PACS2: variants seen among roughly 807,000 people sequenced by gnomAD.
The protein encoded by PACS2 is phosphofurin acidic cluster sorting protein 2.
In PACS2, 36 loss-of-function variants were observed where a neutral mutation model predicts 113.0. The ratio of observed to expected loss-of-function variants is 0.32; its 90% CI spans 0.24 to 0.42. The LOEUF is 0.42. Ranked by LOEUF, PACS2 falls within the 10% of genes least tolerant of loss-of-function variation. The probability of loss-of-function intolerance (pLI) is 1.00; values close to 1 mark genes in which losing one functional copy is unlikely to be tolerated. For missense variants in PACS2, 1,015 were observed against 1,239.5 expected, an observed-to-expected ratio of 0.82 and a Z score of 2.72; for synonymous variants, 589 against 536.1, an observed-to-expected ratio of 1.10 and a Z score of -1.36.
intron 1 of PACS2, among the ~76,000 whole-genome samples, chr14:105,321,214 T>G (rs927607714): frequency 2.0e-5 from 3 of 152,228 alleles, no homozygotes; most frequent in African/African-American, 7.2e-5. Context: ...TGGCAGTTGA[T>G]GGTGCAGTGT....
chr14:105,385,968 T>C (rs982157559), intron 19 of PACS2, among the ~76,000 whole-genome samples: 11 of 152,224 alleles, frequency 7.2e-5, no homozygotes, highest in Non-Finnish European at 1.6e-4. Context: ...GAGCAGCAGA[T>C]GGGCCCTCCT....
In PACS2 at chr14:105,393,351, C is replaced by T. The variant is rs781856859; in HGVS notation, c.2596+16C>T. ...ATGCTGCGGGGTGAGCACCACCGGCCCCGGGGTCTGTAGAGTGGGACGTAG... is the reference window on the plus strand; with the variant it reads ...ATGCTGCGGGGTGAGCACCACCGGCTCCGGGGTCTGTAGAGTGGGACGTAG... On this transcript the variant is annotated intron_variant, in intron 24 of 24. Coordinates refer to ENST00000447393, the MANE Select transcript of PACS2 (RefSeq NM_001100913.3). 7 of 1,579,948 alleles carry T rather than the reference C, an allele frequency of 4.4e-6. No individual in the cohort carries two copies. Among genetic ancestry groups the T allele is most frequent in the Non-Finnish European group, 6.1e-6 (7 of 1,155,444 alleles).
In PACS2 at chr14:105,354,652, G is replaced by A. The variant is rs2060360819; in HGVS notation, c.298-400G>A. On this transcript the variant is annotated intron_variant, in intron 3 of 24. Coordinates refer to ENST00000447393, the MANE Select transcript of PACS2 (RefSeq NM_001100913.3). This position sits in a 1 kb window ranked among gnomAD's most constrained non-coding sequence, Gnocchi z 4.2. ...GGAGGGAGAGCCCTCCCCGCCCTGT[G>A]TGCCCCTCGCGGAAAAGCGTCCTGG... 6.6e-6 allele frequency among the ~76,000 whole-genome samples: 1 copy of A among 152,230 alleles called. No individual in the cohort carries two copies. The highest frequency in any genetic ancestry group is 2.4e-5 in the African/African-American group (1 of 41,458).
chr14:105,369,949 C>T, intron 8 of PACS2, 49 bp downstream of exon 8: 1 of 1,524,014 alleles, frequency 6.6e-7, no homozygotes, highest in Non-Finnish European at 8.9e-7. Context: ...TGCAACAGCA[C>T]CTGGTCGGGA....
rs1430981806 is a variant in PACS2 at position 105,365,646 on chromosome 14, G to T, written c.424-1567G>T. Reference sequence around the variant, plus strand: ...TATGAGCAGGTGCAGCACCACCTGAGCCCCACCTTGATTCCTCCGGGACCC... The same window carrying T: ...TATGAGCAGGTGCAGCACCACCTGATCCCCACCTTGATTCCTCCGGGACCC... On this transcript the variant is annotated intron_variant, in intron 4 of 24. Transcript: ENST00000447393. This position sits in a 1 kb window ranked among gnomAD's most constrained non-coding sequence, Gnocchi z 5.1. 6.6e-6 allele frequency among the ~76,000 whole-genome samples: 1 copy of T among 152,188 alleles called. No homozygotes were observed. Among genetic ancestry groups the T allele is most frequent in the East Asian group, 1.9e-4 (1 of 5,200 alleles).
At chr14:105,370,731 C>T (rs2061118173) in intron 8 of PACS2, 1 of 152,240 alleles carries the variant, frequency 6.6e-6, no homozygotes, top group Non-Finnish European at 1.5e-5. Flanking sequence ...ACTGCAACCT[C>T]TGCCTCCCAG....
chr14:105,391,764 C>T lies in PACS2; in HGVS notation c.2253C>T (p.Pro751=). 2 of 1,591,700 alleles carry T rather than the reference C, an allele frequency of 1.3e-6. No homozygotes were observed. The highest frequency in any genetic ancestry group is 1.7e-6 in the Non-Finnish European group (2 of 1,170,520). ...SPSVSGGLSS[P]SQGVGAELMG... is the part of the protein sequence containing the mutation. ...CGGTGAGCGGAGGCCTGTCCTCCCC[C>T]AGGTAAAGGTGCCTCACGGCTCAGC... The change falls in exon 22 of 25, where the codon CCC becomes CCT. Residue 751 remains proline, a splice_region_variant and synonymous_variant. Transcript: ENST00000447393.
intron 16 of PACS2, chr14:105,383,924 C>T (rs1192556370): frequency 2.2e-5 from 6 of 267,492 alleles, no homozygotes; most frequent in African/African-American, 2.2e-5. Flanking sequence ...GGTCCTGTGT[C>T]GTCGAACTCC....
intron 1 of PACS2, among the ~76,000 whole-genome samples, chr14:105,320,612 G>A (rs2058847658): frequency 6.6e-6 from 1 of 152,130 alleles, no homozygotes; most frequent in Admixed American, 6.5e-5. Flanking sequence ...CAAAGAGCTG[G>A]GACTCCAGGT....
chr14:105,338,558 A>C (rs1159477527), intron 1 of PACS2, among the ~76,000 whole-genome samples: 1 of 152,134 alleles, frequency 6.6e-6, no homozygotes, highest in African/African-American at 2.4e-5. Flanking sequence ...CTCCAGGGCC[A>C]GTGTGATCCT....
intron 7 of PACS2, among the ~76,000 whole-genome samples, chr14:105,369,025 G>C (rs980766864): frequency 6.6e-6 from 1 of 152,262 alleles, no homozygotes; most frequent in Admixed American, 6.5e-5. Flanking sequence ...GGCACAGAGG[G>C]TCCACCGCCT....
upstream of PACS2, among the ~76,000 whole-genome samples, chr14:105,312,166 C>T (rs898331648): frequency 3.3e-5 from 5 of 152,218 alleles, no homozygotes; most frequent in African/African-American, 1.2e-4. Flanking sequence ...TGGCGCCCGA[C>T]TGGAAAAGCC....
At chr14:105,363,407 A>AGCTTCTCCGTCAGCACTTGCC (rs2141113441) in intron 4 of PACS2, among the ~76,000 whole-genome samples, 1 of 152,330 alleles carries the variant, frequency 6.6e-6, no homozygotes, top group African/African-American at 2.4e-5. Context: ...AACTCGCTGC[A>AGCTTCTCCGTCAGCACTTGCC]GCTTCTCCGT....
intron 13 of PACS2, 108 bp from the exon 14 acceptor site, chr14:105,382,369 C>G (rs1453421158): frequency 4.0e-6 from 3 of 758,842 alleles, no homozygotes; most frequent in African/African-American, 1.7e-5. Flanking sequence ...TGCCACCGAG[C>G]CTCTGTGGCT....
chr14:105,315,071 G>A lies in PACS2; in HGVS notation c.119+34G>A. 2 of 1,122,868 alleles carry A rather than the reference G, an allele frequency of 1.8e-6. No individual in the cohort carries two copies. Among genetic ancestry groups the A allele is most frequent in the Non-Finnish European group, 2.2e-6 (2 of 910,568 alleles). The allele number at this position is 1,122,868 out of a possible 1,614,324, so 69.6% of individuals were successfully genotyped here. On this transcript the variant is annotated intron_variant, in intron 1 of 24. Coordinates refer to ENST00000447393, the MANE Select transcript of PACS2 (RefSeq NM_001100913.3). The surrounding 1 kb of genome is among the most constrained non-coding windows in gnomAD (Gnocchi z 4.4). ...CGCCCGCCGCGCTTTGTTCCCGCCG[G>A]GCACCTGCTGGGGGTGTCCTGGCCG...
intron 4 of PACS2, among the ~76,000 whole-genome samples, chr14:105,361,456 G>C (rs899988522): frequency 6.6e-6 from 1 of 152,232 alleles, no homozygotes; most frequent in Admixed American, 6.5e-5. Flanking sequence ...GGCCAACATG[G>C]TGAAACCTTG....
At chr14:105,322,511 C>T (rs1313537853) in intron 1 of PACS2, among the ~76,000 whole-genome samples, 1 of 152,166 alleles carries the variant, frequency 6.6e-6, no homozygotes, top group Non-Finnish European at 1.5e-5. Flanking sequence ...AATGATCTGC[C>T]CGCCTCGGCC....
chr14:105,392,473 G>C (rs2081393096), intron 22 of PACS2, 146 bp from the exon 23 acceptor site: 1 of 672,052 alleles, frequency 1.5e-6, no homozygotes. Context: ...CAGCTCCACA[G>C]AGCATGCTCC....
In PACS2 at chr14:105,398,048, G is replaced by A. The variant is rs1486766418; in HGVS notation, c.*3376G>A. 1.3e-5 allele frequency: 2 copies of A among 152,254 alleles called. No homozygotes were observed. Among genetic ancestry groups the A allele is most frequent in the Non-Finnish European group, 2.9e-5 (2 of 68,052 alleles). 9.4% of individuals were successfully genotyped at this position (152,254 alleles called of 1,614,324 possible). On this transcript the variant is annotated 3_prime_UTR_variant, in exon 25 of 25. Transcript: ENST00000447393. ...TTTTTTAATGAAACCCTGGATTAATGTAAATAGCTTTTTGGGGAACGGATT... is the reference window on the plus strand; with the variant it reads ...TTTTTTAATGAAACCCTGGATTAATATAAATAGCTTTTTGGGGAACGGATT...
Sources: gnomAD v4.1 joint callset for allele counts (sites outside exome capture counted in the v4.1 genomes callset) on GRCh38, gnomAD v4.1.1 for gene constraint, Gnocchi (gnomAD v3.1) non-coding constraint, MANE v1.5 for transcripts, NCBI Gene and HGNC (gene_info 2026-07-23, HGNC 2026-07-21) for gene names.